The following TMEM178B variants were observed in gnomAD, a reference collection of about 807,000 sequenced individuals.
TMEM178B encodes transmembrane protein 178B.
Under a neutral mutation model 31.0 loss-of-function variants are expected in TMEM178B, and 5 were observed. That is an observed-to-expected ratio of 0.16 (90% CI 0.08 to 0.34). The LOEUF is 0.34. Among genes scored for constraint, TMEM178B ranks in the 10% least tolerant of loss-of-function variants. The probability of loss-of-function intolerance (pLI) is 1.00; values close to 1 mark genes in which losing one functional copy is unlikely to be tolerated. For synonymous variants in TMEM178B, 164 were observed against 164.0 expected (o/e 1.00, Z 0.00); for missense variants, 275 against 400.3 (o/e 0.69, Z 2.67).
intron 1 of TMEM178B, among the ~76,000 whole-genome samples, chr7:141,155,042 T>G (rs1215408839): frequency 1.3e-5 from 2 of 152,080 alleles, no homozygotes; most frequent in African/African-American, 4.8e-5. Flanking sequence ...GCTGTTGATT[T>G]TTTCAGCTCA....
At chr7:141,411,065 T>TA (rs1044109905) in intron 2 of TMEM178B, among the ~76,000 whole-genome samples, 7 of 150,872 alleles carry the variant, frequency 4.6e-5, no homozygotes, top group African/African-American at 1.5e-4. Flanking sequence ...TCGAATAAAA[T>TA]AAAAAAAGAA....
intron 1 of TMEM178B, among the ~76,000 whole-genome samples, chr7:141,125,687 A>C (rs1208134534): frequency 1.3e-5 from 2 of 151,764 alleles, no homozygotes; most frequent in Non-Finnish European, 2.9e-5. Flanking sequence ...CTCGAAAAAA[A>C]AAAAAAAAAA....
chr7:141,351,916 G>C (rs1799731125), intron 2 of TMEM178B: 1 of 152,464 alleles, frequency 6.6e-6, no homozygotes, highest in Non-Finnish European at 1.5e-5. Context: ...GTGAGACAGG[G>C]ACAGAGAGAC....
intron 2 of TMEM178B, among the ~76,000 whole-genome samples, chr7:141,250,127 G>A (rs1797806459): frequency 1.3e-5 from 2 of 152,088 alleles, no homozygotes; most frequent in South Asian, 4.2e-4. Context: ...TAGATTGAAT[G>A]TATTCACTAC....
intron 2 of TMEM178B, among the ~76,000 whole-genome samples, chr7:141,249,527 C>T (rs1335887066): frequency 6.6e-6 from 1 of 152,132 alleles, no homozygotes; most frequent in Non-Finnish European, 1.5e-5. Context: ...AACTGGGTAA[C>T]AGGTGAAATG....
chr7:141,436,729 A>T (rs1801550375), intron 2 of TMEM178B, among the ~76,000 whole-genome samples: 1 of 151,962 alleles, frequency 6.6e-6, no homozygotes, highest in South Asian at 2.1e-4. Flanking sequence ...GGAGCTGGGG[A>T]GGAAGCCAAG....
intron 2 of TMEM178B, among the ~76,000 whole-genome samples, chr7:141,220,311 A>AAATAAT (rs143440134): frequency 7.3e-4 from 102 of 140,674 alleles, no homozygotes; most frequent in African/African-American, 1.1e-3. Context: ...ACTCCATCTC[A>AAATAAT]AATAATAATA....
rs138342356 is a variant in TMEM178B, at chr7:141,252,476, T to C, written c.496+39772T>C. ...TAACCCCAAGGGAAACTGGCCACGA[T>C]GTAGACGTCACTCTAGTGATGAAGT... On this transcript the variant is annotated intron_variant, in intron 2 of 3. Transcript: ENST00000565468. 5.7e-3 allele frequency among the ~76,000 whole-genome samples: 864 copies of C among 152,332 alleles called. 9 individuals are homozygous for C. Among genetic ancestry groups the C allele is most frequent in the African/African-American group, 0.019 (804 of 41,586 alleles).
At chr7:141,200,960 T>A (rs534020957) in intron 1 of TMEM178B, among the ~76,000 whole-genome samples, 1 of 152,280 alleles carries the variant, frequency 6.6e-6, no homozygotes, top group African/African-American at 2.4e-5. Context: ...TGATGCAGCA[T>A]GTGGGACTAA....
At chr7:141,375,596 G>C (rs908299804) in intron 2 of TMEM178B, among the ~76,000 whole-genome samples, 8 of 152,120 alleles carry the variant, frequency 5.3e-5, no homozygotes, top group Non-Finnish European at 1.0e-4. Context: ...GACTCCAGGG[G>C]TTCTTCCACC....
chr7:141,216,021 G>A (rs547312005), intron 2 of TMEM178B, among the ~76,000 whole-genome samples: 15 of 150,390 alleles, frequency 1.0e-4, no homozygotes, highest in East Asian at 3.9e-4. Flanking sequence ...AGTAGAGACC[G>A]GATTTCACCA....
chr7:141,427,743 C>T (rs1369886126), intron 2 of TMEM178B, among the ~76,000 whole-genome samples: 1 of 151,974 alleles, frequency 6.6e-6, no homozygotes, highest in African/African-American at 2.4e-5. Context: ...GTAAAGGAAA[C>T]CATCAACAGA....
chr7:141,391,189 CAG>C (rs1800531841), intron 2 of TMEM178B, among the ~76,000 whole-genome samples: 2 of 151,748 alleles, frequency 1.3e-5, no homozygotes, highest in Non-Finnish European at 2.9e-5. Flanking sequence ...TTTTTTGAGA[CAG>C]AGTCTCACTC....
chr7:141,082,722 G>C (rs899719528), intron 1 of TMEM178B, among the ~76,000 whole-genome samples: 1 of 152,198 alleles, frequency 6.6e-6, no homozygotes, highest in Non-Finnish European at 1.5e-5. Context: ...GAACAAAAAG[G>C]CATGGTTGGT....
At position 141,399,477 on chromosome 7, in the gene TMEM178B, A is replaced by T. The variant is rs555930058; in HGVS notation, c.497-38131A>T. On this transcript the variant is annotated intron_variant, in intron 2 of 3. Coordinates refer to ENST00000565468, the MANE Select transcript of TMEM178B (RefSeq NM_001195278.2). ...TGATTCCCAGTCTAGTGCTTTTTTC[A>T]TAACATTCCAGTATAGTAGAAGTAA... 8.4e-4 allele frequency among the ~76,000 whole-genome samples: 128 copies of T among 152,346 alleles called. 1 individual carries two copies. In the South Asian group the frequency reaches 0.025, roughly 30 times the overall value.
intron 2 of TMEM178B, among the ~76,000 whole-genome samples, chr7:141,278,859 G>A (rs1389168258): frequency 6.6e-6 from 1 of 152,126 alleles, no homozygotes; most frequent in African/African-American, 2.4e-5. Flanking sequence ...AAGTTCCAAC[G>A]GGCAAAATAA....
intron 2 of TMEM178B, among the ~76,000 whole-genome samples, chr7:141,368,458 T>G (rs576757268): frequency 1.3e-3 from 195 of 152,340 alleles, no homozygotes; most frequent in African/African-American, 4.4e-3. Context: ...CCTCATTGGA[T>G]TTTTACATGA....
rs188306281 is a variant in TMEM178B, at chr7:141,377,434, C to T, written c.497-60174C>T. On this transcript the variant is annotated intron_variant, in intron 2 of 3. Coordinates refer to ENST00000565468, the MANE Select transcript of TMEM178B (RefSeq NM_001195278.2). The stretch of plus-strand genomic sequence containing the variant: ...CTGATGTCAGGTGATCTGCCTGCCT[C>T]GGCCTCCCTGCTTCTATTTTAAGAA... Among the ~76,000 whole-genome samples, 504 of 152,104 alleles carry T rather than the reference C, an allele frequency of 3.3e-3. 2 individuals are homozygous for T. Among genetic ancestry groups the T allele is most frequent in the Non-Finnish European group, 5.7e-3 (389 of 67,986 alleles).
chr7:141,189,896 C>T (rs1796669781), intron 1 of TMEM178B, among the ~76,000 whole-genome samples: 2 of 152,150 alleles, frequency 1.3e-5, no homozygotes, highest in Admixed American at 1.3e-4. Context: ...CCCTGAAGGG[C>T]AGGGCTCAGA....
Sources: gnomAD v4.1 joint callset for allele counts (sites outside exome capture counted in the v4.1 genomes callset) on GRCh38, gnomAD v4.1.1 for gene constraint, MANE v1.5 for transcripts, NCBI Gene and HGNC (gene_info 2026-07-23, HGNC 2026-07-21) for gene names.